Variants in CDH4 observed in about 807,000 individuals in gnomAD.
The protein encoded by CDH4 is cadherin-4.
A neutral mutation model predicts 86.0 loss-of-function variants in CDH4; 33 were observed. That is an observed-to-expected ratio of 0.38 (90% confidence interval 0.29 to 0.51). The LOEUF (loss-of-function observed/expected upper bound fraction) is 0.51. CDH4 is among the 20% of genes least tolerant of loss of function. The probability of loss-of-function intolerance (pLI) is 0.86; values close to 1 mark genes in which losing one functional copy is unlikely to be tolerated. For synonymous variants in CDH4, 555 were observed against 549.4 expected, an observed-to-expected ratio of 1.01 and a Z score of -0.14; for missense variants, 1,114 against 1,307.4, an observed-to-expected ratio of 0.85 and a Z score of 2.28.
At chr20:61,632,066 G>A (rs1453588810) in intron 2 of CDH4, among the ~76,000 whole-genome samples, 2 of 152,242 alleles carry the variant, frequency 1.3e-5, no homozygotes, top group Non-Finnish European at 2.9e-5. Context: ...GATCATCCGG[G>A]ATGCGCTGGC....
chr20:61,803,190 C>T (rs1449682067), intron 4 of CDH4, among the ~76,000 whole-genome samples: 2 of 147,410 alleles, frequency 1.4e-5, no homozygotes, highest in East Asian at 2.1e-4. Context: ...CGGCTGTGGA[C>T]GGGCTGAGGT....
intron 2 of CDH4, among the ~76,000 whole-genome samples, chr20:61,279,159 G>A (rs2084245360): frequency 6.6e-6 from 1 of 152,172 alleles, no homozygotes. Context: ...CTTTTATTAA[G>A]CATGTTATTA....
At chr20:61,253,032 G>A (rs2084072978) in intron 1 of CDH4, among the ~76,000 whole-genome samples, 2 of 151,646 alleles carry the variant, frequency 1.3e-5, no homozygotes, top group African/African-American at 4.8e-5. Context: ...AGGGATCCGC[G>A]AGTGCGGGGC....
In CDH4 at chr20:61,818,345, G is replaced by A. The variant is rs1426624186; in HGVS notation, c.577-26323G>A. Among the ~76,000 whole-genome samples the A allele has an allele frequency of 2.0e-5, 3 of 152,178 alleles. No homozygotes were observed. In the East Asian group the frequency reaches 5.8e-4, roughly 29 times the overall value. ...GGCCTGATTCTGGGCTTTACTTGGT[G>A]AGAACTGCCTTCCAGGTCTCTAGGT... On this transcript the variant is annotated intron_variant, in intron 4 of 15. Coordinates refer to ENST00000614565, the MANE Select transcript of CDH4 (RefSeq NM_001794.5).
intron 2 of CDH4, chr20:61,740,440 G>A (rs1030898035): frequency 3.9e-5 from 6 of 152,192 alleles, no homozygotes; most frequent in African/African-American, 4.8e-5. Flanking sequence ...CTAATGTTCT[G>A]TGAATGCCCC....
intron 2 of CDH4, among the ~76,000 whole-genome samples, chr20:61,714,802 C>T (rs963630574): frequency 1.3e-5 from 2 of 152,176 alleles, no homozygotes; most frequent in Non-Finnish European, 2.9e-5. Flanking sequence ...TCCTTATTTA[C>T]TCATTGGCTG....
In CDH4 at chr20:61,518,207, C is replaced by T. The variant is rs2085838304; in HGVS notation, c.170-225356C>T. Among the ~76,000 whole-genome samples, 1 of 152,168 alleles carries T rather than the reference C, an allele frequency of 6.6e-6. No homozygotes were observed. Among genetic ancestry groups the T allele is most frequent in the South Asian group, 2.1e-4 (1 of 4,824 alleles). On this transcript the variant is annotated intron_variant, in intron 2 of 15. Transcript: ENST00000614565. This position sits in a 1 kb window ranked among gnomAD's most constrained non-coding sequence, Gnocchi z 6.3. The stretch of plus-strand genomic sequence containing the variant: ...GCCATCATCCCTTTATCGAACACCA[C>T]CAGTTCCTAGGACGAGGAAGCCCGT...
Position 61,417,344 on chromosome 20 carries a change from CT to C in CDH4, c.169+162408del, listed in dbSNP as rs1459407480. Among the ~76,000 whole-genome samples, 2 of 152,010 alleles carry C rather than the reference CT, an allele frequency of 1.3e-5. No individual in the cohort carries two copies. Among genetic ancestry groups the C allele is most frequent in the African/African-American group, 2.4e-5 (1 of 41,394 alleles). ...ACCTCTCTTCTCTCTCCCCTCACCCCTAGCCCCTCTCTCTCCTCCCTCTCCC... is the reference window on the plus strand; with the variant it reads ...ACCTCTCTTCTCTCTCCCCTCACCCCAGCCCCTCTCTCTCCTCCCTCTCCC... On this transcript the variant is annotated intron_variant, in intron 2 of 15. Transcript: ENST00000614565. This position sits in a 1 kb window ranked among gnomAD's most constrained non-coding sequence, Gnocchi z 4.0.
chr20:61,283,673 C>T (rs903975290), intron 2 of CDH4, among the ~76,000 whole-genome samples: 2 of 152,230 alleles, frequency 1.3e-5, no homozygotes, highest in African/African-American at 4.8e-5. Flanking sequence ...CAGTGCTCTC[C>T]TCCTGGGACT....
intron 2 of CDH4, among the ~76,000 whole-genome samples, chr20:61,568,834 A>G (rs1480946718): frequency 6.6e-6 from 1 of 152,200 alleles, no homozygotes; most frequent in Non-Finnish European, 1.5e-5. Flanking sequence ...GGGAGGCTGC[A>G]GCTCACGCAC....
chr20:61,834,227 C>A (rs1981762096), intron 4 of CDH4, among the ~76,000 whole-genome samples: 2 of 152,246 alleles, frequency 1.3e-5, no homozygotes, highest in Admixed American at 1.3e-4. Context: ...CTCATGGCTT[C>A]CTTGCTGCCC....
At chr20:61,842,679 C>T (rs1364711051) in intron 4 of CDH4, among the ~76,000 whole-genome samples, 2 of 150,366 alleles carry the variant, frequency 1.3e-5, no homozygotes, top group Admixed American at 6.7e-5. Flanking sequence ...TTCCTGAGGA[C>T]TTTTCCCCTA....
In CDH4 at chr20:61,821,293, C is replaced by G. The variant is rs540486568; in HGVS notation, c.577-23375C>G. 5.1e-5 allele frequency among the ~76,000 whole-genome samples: 7 copies of G among 136,380 alleles called. No homozygotes were observed. The South Asian group carries it at 1.8e-3, about 35-fold the overall frequency. The allele number at this position is 136,380 out of a possible 152,430, so 89.5% of individuals were successfully genotyped here. Reference sequence around the variant, plus strand: ...CACAGCCCCCACCCTAGACCAGATGCACTGCTCCAGTCAGTCCCCTCTCAC... The same window carrying G: ...CACAGCCCCCACCCTAGACCAGATGGACTGCTCCAGTCAGTCCCCTCTCAC... On this transcript the variant is annotated intron_variant, in intron 4 of 15. Transcript: ENST00000614565.
chr20:61,353,666 T>TGGAAGGTGATGAGAGTA (rs1568810354), intron 2 of CDH4, among the ~76,000 whole-genome samples: 1 of 8,684 alleles, frequency 1.2e-4, no homozygotes, highest in Non-Finnish European at 2.0e-4. Flanking sequence ...TTCTTCCTCC[T>TGGAAGGTGATGAGAGTA]CTTCCCCCTC....
At chr20:61,488,151 C>T (rs768598861) in intron 2 of CDH4, among the ~76,000 whole-genome samples, 3 of 152,178 alleles carry the variant, frequency 2.0e-5, no homozygotes, top group African/African-American at 2.4e-5. Flanking sequence ...GATCTAACAT[C>T]GCCGAGGAAG....
chr20:61,699,871 T>A (rs13041325), intron 2 of CDH4, among the ~76,000 whole-genome samples: 38,479 of 152,068 alleles, frequency 0.25, 6,590 homozygotes, highest in Non-Finnish European at 0.36. Flanking sequence ...AGGGCTCAGC[T>A]GCATGGGCTG....
chr20:61,921,668 C>T (rs1205909000), intron 9 of CDH4, among the ~76,000 whole-genome samples: 1 of 150,758 alleles, frequency 6.6e-6, no homozygotes, highest in African/African-American at 2.4e-5. Flanking sequence ...AGGAGAATCA[C>T]TTGAAGCCAG....
At chr20:61,858,825 C>T (rs554114016) in intron 6 of CDH4, among the ~76,000 whole-genome samples, 11 of 152,140 alleles carry the variant, frequency 7.2e-5, no homozygotes, top group African/African-American at 2.7e-4. Flanking sequence ...GGACGCTGGG[C>T]AGTTTCAACT....
chr20:61,830,116 C>G (rs1981527000), intron 4 of CDH4, among the ~76,000 whole-genome samples: 1 of 149,644 alleles, frequency 6.7e-6, no homozygotes, highest in South Asian at 2.2e-4. Context: ...CATGCCCCAC[C>G]CCCACACCCG....
Sources: gnomAD v4.1 joint callset for allele counts (sites outside exome capture counted in the v4.1 genomes callset) on GRCh38, gnomAD v4.1.1 for gene constraint, Gnocchi (gnomAD v3.1) non-coding constraint, MANE v1.5 for transcripts, NCBI Gene and HGNC (gene_info 2026-07-23, HGNC 2026-07-21) for gene names.